TMEM232: variants seen among roughly 807,000 people sequenced by gnomAD.
The protein encoded by TMEM232 is transmembrane protein 232.
In TMEM232, 80 loss-of-function variants were observed where a neutral mutation model predicts 78.8. The ratio of observed to expected loss-of-function variants is 1.01; its 90% CI spans 0.85 to 1.22. TMEM232 has a LOEUF of 1.22. Ranked by LOEUF, TMEM232 falls within the 50% of genes most tolerant of loss-of-function variation. TMEM232 has a pLI of 0.00. For synonymous variants in TMEM232, 297 were observed against 254.3 expected, an observed-to-expected ratio of 1.17 and a Z score of -1.60; for missense variants, 881 against 742.2, an observed-to-expected ratio of 1.19 and a Z score of -2.17.
chr5:110,394,770 A>G (rs1755324215), intron 3 of TMEM232, among the ~76,000 whole-genome samples: 1 of 151,916 alleles, frequency 6.6e-6, no homozygotes, highest in Non-Finnish European at 1.5e-5. Context: ...CCTTCTATTC[A>G]TCATGTGTGC....
chr5:110,394,513 G>C (rs1014763196), intron 3 of TMEM232, among the ~76,000 whole-genome samples: 1 of 152,138 alleles, frequency 6.6e-6, no homozygotes, highest in African/African-American at 2.4e-5. Flanking sequence ...CTTCCAAGCT[G>C]TTCTCCATAG....
At chr5:110,439,111 C>CCCTTTAAA (rs769785887) in intron 12 of TMEM232, among the ~76,000 whole-genome samples, 17 of 152,032 alleles carry the variant, frequency 1.1e-4, no homozygotes, top group Non-Finnish European at 1.3e-4. Flanking sequence ...CTGTCTTTAA[C>CCCTTTAAA]CCTCATTAGC....
At chr5:110,499,548 G>A (rs1053867598) in intron 12 of TMEM232, among the ~76,000 whole-genome samples, 1 of 151,762 alleles carries the variant, frequency 6.6e-6, no homozygotes, top group Non-Finnish European at 1.5e-5. Context: ...GAGCCATCAC[G>A]CCTGGCCAAG....
intron 8 of TMEM232, among the ~76,000 whole-genome samples, chr5:110,616,595 C>A (rs77299362): frequency 0.012 from 1,843 of 151,884 alleles, 34 homozygotes; most frequent in African/African-American, 0.042. Context: ...GGAACTGAAA[C>A]AACTTAATAA....
chr5:110,524,420 GAA>G (rs200515016), intron 12 of TMEM232, among the ~76,000 whole-genome samples: 1 of 117,198 alleles, frequency 8.5e-6, no homozygotes, highest in Non-Finnish European at 1.8e-5. Context: ...AGAAAGAAAA[GAA>G]AAGAAAAGAA....
At chr5:110,398,102 G>A (rs1475671103) in intron 2 of TMEM232, among the ~76,000 whole-genome samples, 1 of 152,016 alleles carries the variant, frequency 6.6e-6, no homozygotes, top group Non-Finnish European at 1.5e-5. Context: ...CCAACCTTTA[G>A]TCAATATCAT....
intron 1 of TMEM232, among the ~76,000 whole-genome samples, chr5:110,685,377 C>A (rs147614413): frequency 8.6e-5 from 13 of 152,036 alleles, no homozygotes; most frequent in Admixed American, 8.5e-4. Flanking sequence ...ATATACAGAA[C>A]AAAATCTGAG....
chr5:110,640,108 G>GCCTC (rs1261081804), intron 4 of TMEM232, among the ~76,000 whole-genome samples: 1 of 152,198 alleles, frequency 6.6e-6, no homozygotes, highest in Non-Finnish European at 1.5e-5. Context: ...AGAGCAAACA[G>GCCTC]CCTCTTCTTG....
chr5:110,431,188 C>G (rs961805466), intron 12 of TMEM232, among the ~76,000 whole-genome samples: 1 of 151,402 alleles, frequency 6.6e-6, no homozygotes, highest in Non-Finnish European at 1.5e-5. Flanking sequence ...AAGTATTAAA[C>G]TGAGAAGGCT....
chr5:110,532,208 C>T (rs768305080), intron 11 of TMEM232, among the ~76,000 whole-genome samples: 63 of 152,154 alleles, frequency 4.1e-4, no homozygotes, highest in South Asian at 4.2e-4. Context: ...CACTAGAAAT[C>T]GGACTGTTCA....
chr5:110,607,616 C>A (rs1373017411), intron 8 of TMEM232, among the ~76,000 whole-genome samples: 1 of 151,916 alleles, frequency 6.6e-6, no homozygotes, highest in East Asian at 1.9e-4. Context: ...TTCATTGTAT[C>A]TAATTTATAT....
At chr5:110,723,124 G>A (rs1204524851) in intron 1 of TMEM232, among the ~76,000 whole-genome samples, 1 of 152,130 alleles carries the variant, frequency 6.6e-6, no homozygotes, top group East Asian at 1.9e-4. Context: ...ATTCACCAGT[G>A]AACCTATCTG....
At chr5:110,705,091 T>C (rs995861421) in intron 1 of TMEM232, among the ~76,000 whole-genome samples, 5 of 152,146 alleles carry the variant, frequency 3.3e-5, no homozygotes, top group African/African-American at 1.2e-4. Context: ...AAACTATATC[T>C]ACAGGTAACT....
At chr5:110,719,115 T>C (rs1004218799) in intron 1 of TMEM232, among the ~76,000 whole-genome samples, 2 of 151,996 alleles carry the variant, frequency 1.3e-5, no homozygotes, top group African/African-American at 4.8e-5. Flanking sequence ...ACCACTGTCA[T>C]ATATGCAATC....
intron 1 of TMEM232, among the ~76,000 whole-genome samples, chr5:110,682,174 G>A (rs572350031): frequency 5.3e-5 from 8 of 152,044 alleles, no homozygotes; most frequent in Non-Finnish European, 1.2e-4. Flanking sequence ...AAAAGATGAT[G>A]TAAAAGGAAA....
chr5:110,393,353 T>A (rs985071556), intron 3 of TMEM232, among the ~76,000 whole-genome samples: 1 of 152,208 alleles, frequency 6.6e-6, no homozygotes, highest in African/African-American at 2.4e-5. Context: ...TGCATAAACA[T>A]TAAATTGTCC....
chr5:110,663,968 T>C (rs1790185591), intron 2 of TMEM232, among the ~76,000 whole-genome samples: 1 of 151,976 alleles, frequency 6.6e-6, no homozygotes, highest in Non-Finnish European at 1.5e-5. Context: ...GCAAATTCCA[T>C]CACTACAAAA....
At chr5:110,647,731 T>A (rs565844894) in intron 2 of TMEM232, among the ~76,000 whole-genome samples, 1 of 151,950 alleles carries the variant, frequency 6.6e-6, no homozygotes, top group Non-Finnish European at 1.5e-5. Flanking sequence ...CCTTTATTGA[T>A]TGACATTTCA....
chr5:110,403,409 G>T (rs1242488959), intron 2 of TMEM232, among the ~76,000 whole-genome samples: 1 of 152,030 alleles, frequency 6.6e-6, no homozygotes, highest in East Asian at 1.9e-4. Context: ...TTTAGAGTTT[G>T]CTGGGATATC....
Sources: allele counts gnomAD v4.1 joint callset (sites outside exome capture counted in the v4.1 genomes callset), GRCh38; gene constraint gnomAD v4.1.1; transcripts MANE v1.5; gene names NCBI Gene and HGNC (gene_info 2026-07-23, HGNC 2026-07-21).